The following KCNH7 variants were observed in gnomAD, a reference collection of about 807,000 sequenced individuals.
The protein encoded by KCNH7 is potassium voltage-gated channel subfamily H member 7, also known as voltage-gated inwardly rectifying potassium channel KCNH7.
KCNH7 carries 49 observed loss-of-function variants against 120.8 expected under a neutral mutation model. The ratio of observed to expected loss-of-function variants is 0.41; its 90% CI spans 0.32 to 0.51. The LOEUF is 0.51. Ranked by LOEUF, KCNH7 falls within the 20% of genes least tolerant of loss-of-function variation. KCNH7 has a pLI of 0.38. For synonymous variants in KCNH7, 547 were observed against 516.1 expected, an observed-to-expected ratio of 1.06 and a Z score of -0.81; for missense variants, 1,097 against 1,446.6, an observed-to-expected ratio of 0.76 and a Z score of 3.92.
intron 3 of KCNH7, among the ~76,000 whole-genome samples, chr2:162,532,066 C>A (rs1329973071): frequency 1.3e-5 from 2 of 151,776 alleles, no homozygotes; most frequent in Non-Finnish European, 2.9e-5. Context: ...CCTATATAAA[C>A]CTTGGAGATT....
At chr2:162,503,741 G>C (rs1447466884) in intron 6 of KCNH7, among the ~76,000 whole-genome samples, 1 of 151,988 alleles carries the variant, frequency 6.6e-6, no homozygotes, top group Non-Finnish European at 1.5e-5. Flanking sequence ...GTTTGTAAAA[G>C]AACCGCTTGC....
chr2:162,471,521 G>A (rs564931337), intron 6 of KCNH7, among the ~76,000 whole-genome samples: 2 of 151,682 alleles, frequency 1.3e-5, no homozygotes, highest in African/African-American at 2.4e-5. Context: ...GGAGTTTTAC[G>A]ACCTTACAAG....
chr2:162,585,514 C>T (rs1449541301), intron 2 of KCNH7, among the ~76,000 whole-genome samples: 1 of 151,918 alleles, frequency 6.6e-6, no homozygotes, highest in Non-Finnish European at 1.5e-5. Flanking sequence ...TACATCTAAT[C>T]ATGTATAGAT....
intron 2 of KCNH7, among the ~76,000 whole-genome samples, chr2:162,678,224 A>T (rs1160388929): frequency 4.6e-5 from 7 of 151,386 alleles, no homozygotes. Flanking sequence ...AACAAAATTT[A>T]TCTTGTGAGA....
At chr2:162,506,734 A>G (rs1443386641) in intron 5 of KCNH7, among the ~76,000 whole-genome samples, 1 of 151,804 alleles carries the variant, frequency 6.6e-6, no homozygotes, top group Non-Finnish European at 1.5e-5. Flanking sequence ...ATGTTAATAG[A>G]CAGAAAGACA....
intron 2 of KCNH7, among the ~76,000 whole-genome samples, chr2:162,826,359 G>A (rs1044827563): frequency 6.6e-6 from 1 of 152,074 alleles, no homozygotes; most frequent in African/African-American, 2.4e-5. Context: ...TATTGAACTT[G>A]TGGATGTTCC....
chr2:162,817,394 T>C (rs140307599), intron 2 of KCNH7, among the ~76,000 whole-genome samples: 2,379 of 152,276 alleles, frequency 0.016, 55 homozygotes, highest in African/African-American at 0.049. Flanking sequence ...ATCAATAGTT[T>C]ATTTTTCTTT....
intron 2 of KCNH7, among the ~76,000 whole-genome samples, chr2:162,801,253 G>A (rs1282006844): frequency 7.4e-6 from 1 of 135,288 alleles, no homozygotes; most frequent in African/African-American, 2.7e-5. Context: ...GTATGAAAAA[G>A]ACAAGCTTTT....
At chr2:162,404,971 T>G (rs533982828) in intron 9 of KCNH7, among the ~76,000 whole-genome samples, 34 of 152,166 alleles carry the variant, frequency 2.2e-4, no homozygotes, top group Non-Finnish European at 4.0e-4. Context: ...ATTTGGACAT[T>G]TATATTGTAC....
intron 2 of KCNH7, among the ~76,000 whole-genome samples, chr2:162,667,927 C>T (rs1365218757): frequency 2.0e-5 from 3 of 152,064 alleles, no homozygotes; most frequent in Non-Finnish European, 2.9e-5. Flanking sequence ...TGTATATATT[C>T]AATAAATATT....
chr2:162,582,279 T>C (rs1264934673), intron 2 of KCNH7, among the ~76,000 whole-genome samples: 1 of 152,094 alleles, frequency 6.6e-6, no homozygotes, highest in East Asian at 1.9e-4. Context: ...TTTCTTAGGA[T>C]TGAAGAGGGT....
intron 3 of KCNH7, among the ~76,000 whole-genome samples, chr2:162,525,454 G>A (rs945691881): frequency 6.6e-6 from 1 of 151,882 alleles, no homozygotes; most frequent in Admixed American, 6.6e-5. Flanking sequence ...CAGAAGACAG[G>A]ACAAGATGGT....
At chr2:162,597,704 T>C (rs982877417) in intron 2 of KCNH7, among the ~76,000 whole-genome samples, 1 of 152,084 alleles carries the variant, frequency 6.6e-6, no homozygotes, top group African/African-American at 2.4e-5. Context: ...TTAAATGTTC[T>C]CACTGCAAAG....
At chr2:162,824,855 T>C (rs1461906103) in intron 2 of KCNH7, among the ~76,000 whole-genome samples, 1 of 151,840 alleles carries the variant, frequency 6.6e-6, no homozygotes, top group South Asian at 2.1e-4. Context: ...TATATATATG[T>C]AGAGAGAGAG....
In KCNH7 at chr2:162,682,584, T is replaced by A. The variant is rs148282141; in HGVS notation, c.308-145504A>T. Reference sequence around the variant, plus strand: ...GCATTTATTTATTTTTCAAAAGACATAGGTATTATAACATAAAATACCGAA... The same window carrying A: ...GCATTTATTTATTTTTCAAAAGACAAAGGTATTATAACATAAAATACCGAA... On this transcript the variant is annotated intron_variant, in intron 2 of 15. Transcript: ENST00000332142. Among the ~76,000 whole-genome samples, 11 of 151,946 alleles carry A rather than the reference T, an allele frequency of 7.2e-5. No homozygotes were observed. The East Asian group carries it at 2.1e-3, about 29-fold the overall frequency.
intron 2 of KCNH7, among the ~76,000 whole-genome samples, chr2:162,755,788 A>C (rs1688767809): frequency 6.6e-6 from 1 of 152,168 alleles, no homozygotes; most frequent in African/African-American, 2.4e-5. Flanking sequence ...ATGAAATACT[A>C]ACTATGAGCT....
chr2:162,815,480 G>A (rs1310095325), intron 2 of KCNH7, among the ~76,000 whole-genome samples: 2 of 152,244 alleles, frequency 1.3e-5, no homozygotes, highest in Admixed American at 6.5e-5. Flanking sequence ...AACTGTATGT[G>A]CAGTAGGTTT....
chr2:162,763,388 T>C (rs933394490), intron 2 of KCNH7, among the ~76,000 whole-genome samples: 1 of 152,142 alleles, frequency 6.6e-6, no homozygotes, highest in Admixed American at 6.6e-5. Flanking sequence ...CAAGTAGATA[T>C]AGTTTGTTAA....
At chr2:162,711,750 T>C (rs1686935801) in intron 2 of KCNH7, among the ~76,000 whole-genome samples, 1 of 152,140 alleles carries the variant, frequency 6.6e-6, no homozygotes, top group South Asian at 2.1e-4. Context: ...AGTAAACGTT[T>C]TCTTGTTCCT....
Sources: allele counts gnomAD v4.1 joint callset (sites outside exome capture counted in the v4.1 genomes callset), GRCh38; gene constraint gnomAD v4.1.1; transcripts MANE v1.5; gene names NCBI Gene and HGNC (gene_info 2026-07-23, HGNC 2026-07-21).